TNIK: variants seen among roughly 807,000 people sequenced by gnomAD.
The protein encoded by TNIK is TRAF2 and NCK-interacting protein kinase.
A neutral mutation model predicts 191.3 loss-of-function variants in TNIK; 49 were observed. The ratio of observed to expected loss-of-function variants is 0.26; its 90% CI spans 0.20 to 0.32. The LOEUF is 0.32. Among genes scored for constraint, TNIK ranks in the 10% least tolerant of loss-of-function variants. The probability of loss-of-function intolerance (pLI) is 1.00; values close to 1 mark genes in which losing one functional copy is unlikely to be tolerated. For missense variants in TNIK, 1,155 were observed against 1,702.3 expected (o/e 0.68, Z 5.66); for synonymous variants, 594 against 600.9 (o/e 0.99, Z 0.17).
At position 171,240,520 on chromosome 3, in the gene TNIK, T is replaced by C. The variant is rs150419104; in HGVS notation, c.124-12299A>G. 2.8e-3 allele frequency among the ~76,000 whole-genome samples: 420 copies of C among 150,350 alleles called. 5 individuals are homozygous for C. Among genetic ancestry groups the C allele is most frequent in the Middle Eastern group, 0.01 (3 of 292 alleles). ...TGTTATCACAGTGCTTTTAGTGTGA[T>C]TGAGGTTCCATTTCTGTTCTCTTCT... On this transcript the variant is annotated intron_variant, in intron 2 of 32. Coordinates refer to ENST00000436636, the MANE Select transcript of TNIK (RefSeq NM_015028.4).
rs1721056964 is a variant in TNIK, at chr3:171,084,227, G to T, written c.3097C>A (p.His1033Asn). 1 of 1,613,162 alleles carries T rather than the reference G, an allele frequency of 6.2e-7. No individual in the cohort carries two copies. Among genetic ancestry groups the T allele is most frequent in the African/African-American group, 1.3e-5 (1 of 74,766 alleles). The part of the protein sequence containing the change: ...VNVNPTNIRP[H>N]SDTPEIRKYK... The stretch of plus-strand genomic sequence containing the variant: ...TTTCTGATTTCTGGTGTGTCGCTAT[G>T]AGGCCGAATGTTGGTTGGGTTTACA... The change falls in exon 26 of 33, where the codon CAT (histidine) becomes AAT (asparagine). Residue 1033 changes from histidine (H) to asparagine (N), a missense_variant. By Grantham distance (68) the His-to-Asn change is moderately conservative. Transcript: ENST00000436636.
intron 4 of TNIK, among the ~76,000 whole-genome samples, chr3:171,209,602 G>T (rs1740535027): frequency 6.6e-6 from 1 of 151,652 alleles, no homozygotes; most frequent in South Asian, 2.1e-4. Context: ...TTTATATGTT[G>T]AATCTTCATA....
chr3:171,110,654 C>A, intron 19 of TNIK, 60 bp downstream of exon 19: 1 of 1,498,832 alleles, frequency 6.7e-7, no homozygotes, highest in Non-Finnish European at 8.9e-7. Context: ...TAACCTTTTT[C>A]CCTGTCCACA....
chr3:171,356,725 T>C (rs1369744038), intron 2 of TNIK, among the ~76,000 whole-genome samples: 1 of 152,204 alleles, frequency 6.6e-6, no homozygotes, highest in Non-Finnish European at 1.5e-5. Flanking sequence ...GCTCTACTAC[T>C]TACCTGGGGG....
chr3:171,319,787 G>T (rs1314966717), intron 2 of TNIK, among the ~76,000 whole-genome samples: 1 of 152,086 alleles, frequency 6.6e-6, no homozygotes, highest in African/African-American at 2.4e-5. Flanking sequence ...AGAGACTGAG[G>T]TATTCTCCAA....
chr3:171,120,323 C>CTTT (rs397691045), intron 18 of TNIK, among the ~76,000 whole-genome samples: 3,589 of 136,348 alleles, frequency 0.026, 210 homozygotes, highest in African/African-American at 0.096. Context: ...TTTTTTCTTT[C>CTTT]TTTTTTTTTT....
At chr3:171,106,430 A>G (rs1724897427) in intron 21 of TNIK, among the ~76,000 whole-genome samples, 1 of 152,188 alleles carries the variant, frequency 6.6e-6, no homozygotes, top group Non-Finnish European at 1.5e-5. Flanking sequence ...TTTCCATTAA[A>G]TTTCACAAAA....
chr3:171,128,327 C>T (rs1194740842), intron 16 of TNIK, among the ~76,000 whole-genome samples: 2 of 152,200 alleles, frequency 1.3e-5, no homozygotes, highest in South Asian at 2.1e-4. Flanking sequence ...CAGTTTCAGG[C>T]TCATGCCAAA....
At chr3:171,106,710 T>C (rs745781342) in intron 21 of TNIK, 1 of 534,518 alleles carries the variant, frequency 1.9e-6, no homozygotes, top group South Asian at 1.4e-5. Context: ...AAAGCTGATG[T>C]TGCTTCTGAT....
chr3:171,304,837 A>T (rs1753251707), intron 2 of TNIK, among the ~76,000 whole-genome samples: 1 of 152,070 alleles, frequency 6.6e-6, no homozygotes, highest in South Asian at 2.1e-4. Flanking sequence ...GAAGGGGAAC[A>T]TCACACACCG....
intron 2 of TNIK, among the ~76,000 whole-genome samples, chr3:171,230,174 G>A (rs768943448): frequency 3.2e-4 from 49 of 152,176 alleles, no homozygotes; most frequent in African/African-American, 8.4e-4. Context: ...GAGCAGCAAC[G>A]CTACCTTTCC....
At chr3:171,209,896 TG>T (rs773677834) in intron 4 of TNIK, among the ~76,000 whole-genome samples, 1 of 152,218 alleles carries the variant, frequency 6.6e-6, no homozygotes, top group Non-Finnish European at 1.5e-5. Context: ...CCCACTGGAT[TG>T]GAAATGTCTG....
chr3:171,343,044 A>G (rs1711548786), intron 2 of TNIK, among the ~76,000 whole-genome samples: 1 of 152,204 alleles, frequency 6.6e-6, no homozygotes, highest in African/African-American at 2.4e-5. Context: ...TGGAAGTGTG[A>G]GTCGATTAAA....
chr3:171,344,093 A>C (rs1711745865), intron 2 of TNIK, among the ~76,000 whole-genome samples: 1 of 152,182 alleles, frequency 6.6e-6, no homozygotes, highest in African/African-American at 2.4e-5. Context: ...ATGCCTCCCC[A>C]AAAAAGCAAA....
At chr3:171,143,029 T>C (rs935831104) in intron 12 of TNIK, among the ~76,000 whole-genome samples, 1 of 152,222 alleles carries the variant, frequency 6.6e-6, no homozygotes, top group Non-Finnish European at 1.5e-5. Context: ...TATACAGTAT[T>C]GATTGCAACT....
intron 1 of TNIK, among the ~76,000 whole-genome samples, chr3:171,431,574 T>C (rs1725398396): frequency 6.6e-6 from 1 of 152,168 alleles, no homozygotes; most frequent in Non-Finnish European, 1.5e-5. Flanking sequence ...TAAAAATAAT[T>C]TTAGGACCAT....
intron 12 of TNIK, among the ~76,000 whole-genome samples, chr3:171,145,668 T>C (rs1166358841): frequency 6.6e-6 from 1 of 152,226 alleles, no homozygotes; most frequent in Non-Finnish European, 1.5e-5. Context: ...GTTTAAATTC[T>C]TTGCAGAGAA....
chr3:171,158,569 C>G (rs1319971593), intron 11 of TNIK, among the ~76,000 whole-genome samples: 2 of 152,202 alleles, frequency 1.3e-5, no homozygotes, highest in African/African-American at 4.8e-5. Context: ...TTTAATCTTT[C>G]TGGAAGCTTC....
At chr3:171,121,637 G>A (rs1727767389) in intron 18 of TNIK, among the ~76,000 whole-genome samples, 1 of 152,220 alleles carries the variant, frequency 6.6e-6, no homozygotes, top group Non-Finnish European at 1.5e-5. Context: ...ACAGCATCAT[G>A]AGAAATATTA....
Sources: gnomAD v4.1 joint callset for allele counts (sites outside exome capture counted in the v4.1 genomes callset) on GRCh38, gnomAD v4.1.1 for gene constraint, MANE v1.5 for transcripts, NCBI Gene and HGNC (gene_info 2026-07-23, HGNC 2026-07-21) for gene names.